The following C11orf65 variants were observed in gnomAD, a reference collection of about 807,000 sequenced individuals.
C11orf65 encodes chromosome 11 open reading frame 65, also known as protein MFI.
C11orf65 carries 38 observed loss-of-function variants against 35.3 expected under a neutral mutation model. That is an observed-to-expected ratio of 1.08 (90% CI 0.83 to 1.41). The LOEUF (loss-of-function observed/expected upper bound fraction) is 1.41, where lower values mean the gene tolerates loss of function less well. Among genes scored for constraint, C11orf65 ranks in the 40% most tolerant of loss-of-function variants. The pLI is 0.00. For synonymous variants in C11orf65, 105 were observed against 114.4 expected, an observed-to-expected ratio of 0.92 and a Z score of 0.53; for missense variants, 370 against 367.1, an observed-to-expected ratio of 1.01 and a Z score of -0.06.
intron 3 of C11orf65, among the ~76,000 whole-genome samples, chr11:108,428,460 A>G (rs571209683): frequency 6.6e-6 from 1 of 152,314 alleles, no homozygotes; most frequent in East Asian, 1.9e-4. Context: ...CCACATATAC[A>G]CCATGGAATA....
In C11orf65 at chr11:108,362,977, C is replaced by A. The variant is rs148941562; in HGVS notation, c.227-27685G>T. 8.9e-3 allele frequency among the ~76,000 whole-genome samples: 1,346 copies of A among 151,762 alleles called. 22 individuals are homozygous for A. The highest frequency in any genetic ancestry group is 0.03 in the African/African-American group (1,247 of 41,316). ...TAAAAAAAACTAAAAAAACAAACAA[C>A]AAAACAAACAAACAAAAAAAACACA... is the stretch of plus-strand genomic sequence containing the variant. On this transcript the variant is annotated intron_variant, in intron 2 of 3. Transcript: ENST00000524755.
intron 2 of C11orf65, among the ~76,000 whole-genome samples, chr11:108,446,470 C>A (rs2093260814): frequency 6.6e-6 from 1 of 151,598 alleles, no homozygotes; most frequent in Non-Finnish European, 1.5e-5. Flanking sequence ...ACAGTGGGGG[C>A]CAATATTCAA....
chr11:108,407,764 C>T lies in C11orf65; in HGVS notation c.175-615G>A, dbSNP rs2092569874. Among the ~76,000 whole-genome samples, 4 of 150,698 alleles carry T rather than the reference C, an allele frequency of 2.7e-5. No homozygotes were observed. The South Asian group carries it at 8.4e-4, about 32-fold the overall frequency. On this transcript the variant is annotated intron_variant, in intron 3 of 8. Coordinates refer to ENST00000393084, the MANE Select transcript of C11orf65 (RefSeq NM_152587.5). ...TCGAGACCACGGTGAAACCCCGTCT[C>T]TACTAAAAATACAAAAAATTAGCTA...
intron 3 of C11orf65, among the ~76,000 whole-genome samples, chr11:108,429,749 T>C (rs1055964969): frequency 7.2e-5 from 11 of 152,166 alleles, no homozygotes; most frequent in African/African-American, 1.9e-4. Flanking sequence ...CAAGTGTCCA[T>C]TGGTGGATGA....
chr11:108,327,527 T>C, downstream of C11orf65: 1 of 781,946 alleles, frequency 1.3e-6, no homozygotes, highest in Non-Finnish European at 2.1e-6. Context: ...AAAAACTTTT[T>C]TTTTCCCACC....
intron 3 of C11orf65, among the ~76,000 whole-genome samples, chr11:108,423,102 T>A (rs749568424): frequency 6.6e-6 from 1 of 152,152 alleles, no homozygotes; most frequent in Non-Finnish European, 1.5e-5. Context: ...CACCAGGAGA[T>A]TCCCTAGGTT....
At chr11:108,357,910 A>G (rs1470761567) in intron 2 of C11orf65, among the ~76,000 whole-genome samples, 1 of 151,150 alleles carries the variant, frequency 6.6e-6, no homozygotes, top group Admixed American at 6.6e-5. Context: ...AAAGGAACGC[A>G]GTTCCTCACC....
At chr11:108,430,224 G>A (rs997957626) in intron 3 of C11orf65, among the ~76,000 whole-genome samples, 6 of 146,948 alleles carry the variant, frequency 4.1e-5, no homozygotes, top group South Asian at 2.2e-4. Context: ...CGCCTCCCAC[G>A]TTCATGCCAT....
chr11:108,377,741 C>G (rs1371266291), intron 2 of C11orf65, among the ~76,000 whole-genome samples: 1 of 151,854 alleles, frequency 6.6e-6, no homozygotes, highest in Admixed American at 6.6e-5. Context: ...CCCACTGTCT[C>G]AGCCCAAAAT....
chr11:108,422,136 G>C (rs2092827437), intron 3 of C11orf65, among the ~76,000 whole-genome samples: 1 of 151,964 alleles, frequency 6.6e-6, no homozygotes, highest in Non-Finnish European at 1.5e-5. Context: ...CACTATGTTG[G>C]CCAGGCTGGT....
intron 3 of C11orf65, among the ~76,000 whole-genome samples, chr11:108,423,460 G>A (rs549249684): frequency 2.0e-5 from 3 of 152,184 alleles, no homozygotes; most frequent in Admixed American, 6.5e-5. Context: ...GCACCTGGGG[G>A]AAGGGGTGGC....
Position 108,424,619 on chromosome 11 carries a change from C to A in C11orf65, c.174+7127G>T, listed in dbSNP as rs1345358469. 3.3e-5 allele frequency among the ~76,000 whole-genome samples: 5 copies of A among 152,130 alleles called. No individual in the cohort carries two copies. In the East Asian group the frequency reaches 9.6e-4, roughly 29 times the overall value. ...ACAGATCAACGAGACAGAAAATTAA[C>A]AAGGATATTCAGGACTTGATCTCAG... On this transcript the variant is annotated intron_variant, in intron 3 of 8. Transcript: ENST00000393084.
At chr11:108,461,635 TA>T (rs1370742772) in intron 1 of C11orf65, 67 bp from the exon 2 acceptor site, 9 of 1,094,290 alleles carry the variant, frequency 8.2e-6, no homozygotes, top group Admixed American at 2.3e-5. Flanking sequence ...TTTATTTATT[TA>T]TTTTTTTTAG....
At chr11:108,370,171 T>C (rs1251575773) in intron 2 of C11orf65, among the ~76,000 whole-genome samples, 1 of 152,142 alleles carries the variant, frequency 6.6e-6, no homozygotes, top group Admixed American at 6.5e-5. Flanking sequence ...CTATGTTTAT[T>C]CCTAAGCACT....
At chr11:108,360,161 C>G (rs1314624633) in intron 2 of C11orf65, among the ~76,000 whole-genome samples, 7 of 150,366 alleles carry the variant, frequency 4.7e-5, no homozygotes, top group Admixed American at 2.6e-4. Context: ...GAGAATACTA[C>G]AAACACCTCT....
chr11:108,319,427 G>C (rs1298942822), intron 6 of C11orf65, among the ~76,000 whole-genome samples: 1 of 152,066 alleles, frequency 6.6e-6, no homozygotes, highest in Non-Finnish European at 1.5e-5. Context: ...TTTTCCCCCA[G>C]TTACCATGCG....
downstream of C11orf65, chr11:108,330,327 T>C (rs2136458920): frequency 6.2e-7 from 1 of 1,614,166 alleles, no homozygotes; most frequent in Non-Finnish European, 8.5e-7. Flanking sequence ...ATCAACTGCT[T>C]ATTAAGTGGA....
chr11:108,325,182 G>A, intron 6 of C11orf65: 1 of 657,156 alleles, frequency 1.5e-6, no homozygotes, highest in Non-Finnish European at 2.6e-6. Context: ...ACAAGTTCTA[G>A]TCTTGTCACT....
intron 6 of C11orf65, chr11:108,325,249 G>GTTTTTTTTTTTTTTTTTT (rs11366542): frequency 5.3e-6 from 3 of 566,214 alleles, no homozygotes; most frequent in Non-Finnish European, 5.9e-6. Context: ...AACTTACATA[G>GTTTTTTTTTTTTTTTTTT]TTTTTTTTTT....
Sources: gnomAD v4.1 joint callset for allele counts (sites outside exome capture counted in the v4.1 genomes callset) on GRCh38, gnomAD v4.1.1 for gene constraint, MANE v1.5 for transcripts, NCBI Gene and HGNC (gene_info 2026-07-23, HGNC 2026-07-21) for gene names.